The following CTNNBL1 variants were observed in gnomAD, a reference collection of about 807,000 sequenced individuals.
CTNNBL1 encodes beta-catenin-like protein 1.
A neutral mutation model predicts 72.7 loss-of-function variants in CTNNBL1; 31 were observed. That is an observed-to-expected ratio of 0.43 (90% confidence interval 0.32 to 0.58). CTNNBL1 has a LOEUF of 0.58. Among genes scored for constraint, CTNNBL1 ranks in the 20% least tolerant of loss-of-function variants. CTNNBL1 has a pLI of 0.08. For missense variants in CTNNBL1, 534 were observed against 725.1 expected (o/e 0.74, Z 3.03); for synonymous variants, 240 against 267.3 (o/e 0.90, Z 1.00).
At chr20:37,755,809 T>G (rs1050185853) in intron 4 of CTNNBL1, among the ~76,000 whole-genome samples, 2 of 152,240 alleles carry the variant, frequency 1.3e-5, no homozygotes, top group Admixed American at 1.3e-4. Flanking sequence ...TAGGTCTTTC[T>G]CCTTCAGGCC....
At chr20:37,774,682 T>C (rs2073558627) in intron 7 of CTNNBL1, among the ~76,000 whole-genome samples, 1 of 152,190 alleles carries the variant, frequency 6.6e-6, no homozygotes, top group South Asian at 2.1e-4. Context: ...TCGGTGCCTG[T>C]TATGTATACA....
intron 10 of CTNNBL1, among the ~76,000 whole-genome samples, chr20:37,790,799 A>G (rs557646450): frequency 6.6e-6 from 1 of 152,334 alleles, no homozygotes; most frequent in African/African-American, 2.4e-5. Flanking sequence ...TATTTAAAGT[A>G]TACAATTTGG....
chr20:37,843,540 CT>C (rs1385055351), intron 13 of CTNNBL1, among the ~76,000 whole-genome samples: 1 of 152,220 alleles, frequency 6.6e-6, no homozygotes, highest in Non-Finnish European at 1.5e-5. Flanking sequence ...TTATCCACCT[CT>C]TCCCTTTCAT....
At chr20:37,705,749 CTT>C (rs2072879919) in intron 1 of CTNNBL1, among the ~76,000 whole-genome samples, 1 of 152,234 alleles carries the variant, frequency 6.6e-6, no homozygotes, top group East Asian at 1.9e-4. Context: ...TTACTCCTTC[CTT>C]TGTCTTTTTT....
intron 11 of CTNNBL1, among the ~76,000 whole-genome samples, 200 bp from the exon 12 acceptor site, chr20:37,839,902 C>A (rs1568804900): frequency 6.6e-6 from 1 of 152,134 alleles, no homozygotes; most frequent in Non-Finnish European, 1.5e-5. Context: ...GATCTCATCT[C>A]TTTTGAATAT....
chr20:37,710,855 C>A (rs1421932418), intron 1 of CTNNBL1, among the ~76,000 whole-genome samples: 5 of 152,134 alleles, frequency 3.3e-5, no homozygotes, highest in Admixed American at 6.5e-5. Context: ...TGTTCTTCAC[C>A]AGTTTATGCC....
chr20:37,835,645 T>C (rs2072246958), intron 11 of CTNNBL1, among the ~76,000 whole-genome samples: 1 of 152,240 alleles, frequency 6.6e-6, no homozygotes, highest in African/African-American at 2.4e-5. Context: ...ACTAGGAATA[T>C]GTTTTAAGAA....
At chr20:37,840,387 C>T (rs930326826) in intron 12 of CTNNBL1, among the ~76,000 whole-genome samples, 188 bp downstream of exon 12, 1 of 152,160 alleles carries the variant, frequency 6.6e-6, no homozygotes, top group Non-Finnish European at 1.5e-5. Context: ...AATGCATTCT[C>T]CTGGGAGTAG....
At chr20:37,787,341 G>GT (rs2073684330) in intron 10 of CTNNBL1, among the ~76,000 whole-genome samples, 6 of 86,644 alleles carry the variant, frequency 6.9e-5, no homozygotes, top group Non-Finnish European at 7.4e-5. Context: ...ACATAACTGT[G>GT]TGTTTTTTTT....
chr20:37,770,199 CT>C (rs1467925418), intron 7 of CTNNBL1, among the ~76,000 whole-genome samples: 1 of 152,158 alleles, frequency 6.6e-6, no homozygotes, highest in Non-Finnish European at 1.5e-5. Flanking sequence ...TCTAAATATC[CT>C]TTGGTTTTAG....
chr20:37,711,612 G>A (rs2072938850), intron 1 of CTNNBL1, among the ~76,000 whole-genome samples: 1 of 149,432 alleles, frequency 6.7e-6, no homozygotes, highest in South Asian at 2.2e-4. Context: ...TTTCAAATAG[G>A]AATATGAAGG....
intron 10 of CTNNBL1, among the ~76,000 whole-genome samples, chr20:37,784,085 T>TAA (rs1269082987): frequency 6.6e-6 from 1 of 152,212 alleles, no homozygotes; most frequent in Non-Finnish European, 1.5e-5. Flanking sequence ...AATGGGTCCC[T>TAA]TTACCGTTAT....
chr20:37,864,566 C>T (rs1884841106), intron 15 of CTNNBL1, among the ~76,000 whole-genome samples: 1 of 152,172 alleles, frequency 6.6e-6, no homozygotes, highest in African/African-American at 2.4e-5. Context: ...CCTGTCTCTG[C>T]ACACTGCTTA....
chr20:37,733,823 C>T (rs1388675904), intron 2 of CTNNBL1, among the ~76,000 whole-genome samples: 1 of 152,200 alleles, frequency 6.6e-6, no homozygotes, highest in Non-Finnish European at 1.5e-5. Context: ...CTGTCCTCCT[C>T]TCAGCCTCCC....
At chr20:37,830,354 G>A (rs1377572908) in intron 11 of CTNNBL1, among the ~76,000 whole-genome samples, 1 of 152,120 alleles carries the variant, frequency 6.6e-6, no homozygotes, top group African/African-American at 2.4e-5. Context: ...AACGAGTCCT[G>A]TGCCAAAGAT....
At chr20:37,742,851 T>A (rs2073229715) in intron 3 of CTNNBL1, among the ~76,000 whole-genome samples, 1 of 152,214 alleles carries the variant, frequency 6.6e-6, no homozygotes, top group Non-Finnish European at 1.5e-5. Context: ...TTGCCGAGGC[T>A]GGAGTGCAGT....
At chr20:37,716,174 C>T (rs945080645) in intron 1 of CTNNBL1, among the ~76,000 whole-genome samples, 1 of 152,082 alleles carries the variant, frequency 6.6e-6, no homozygotes, top group African/African-American at 2.4e-5. Flanking sequence ...TTCTTCCTGC[C>T]CAGCAAGGTA....
chr20:37,836,442 T>C (rs1294064184), intron 11 of CTNNBL1, among the ~76,000 whole-genome samples: 1 of 152,214 alleles, frequency 6.6e-6, no homozygotes, highest in African/African-American at 2.4e-5. Context: ...GCATATATTG[T>C]TCCTTCTGCC....
intron 15 of CTNNBL1, among the ~76,000 whole-genome samples, chr20:37,866,381 C>G (rs964856494): frequency 6.6e-6 from 1 of 152,158 alleles, no homozygotes; most frequent in Non-Finnish European, 1.5e-5. Flanking sequence ...AGTGAGTTGC[C>G]CAGGTTCACA....
Sources: allele counts gnomAD v4.1 joint callset (sites outside exome capture counted in the v4.1 genomes callset), GRCh38; gene constraint gnomAD v4.1.1; transcripts MANE v1.5; gene names NCBI Gene and HGNC (gene_info 2026-07-23, HGNC 2026-07-21).